The following CLSTN2 variants were observed in gnomAD, a reference collection of about 807,000 sequenced individuals.
CLSTN2 encodes the protein calsyntenin 2, also known as calsyntenin-2.
Under a neutral mutation model 101.2 loss-of-function variants are expected in CLSTN2, and 48 were observed. The observed-to-expected ratio is 0.47, with a 90% CI of 0.38 to 0.60. The LOEUF (loss-of-function observed/expected upper bound fraction) is 0.60, where lower values mean the gene tolerates loss of function less well. Among genes scored for constraint, CLSTN2 ranks in the 20% least tolerant of loss-of-function variants. The pLI is 0.00. For synonymous variants in CLSTN2, 481 were observed against 463.6 expected (o/e 1.04, Z -0.48); for missense variants, 1,160 against 1,238.2 (o/e 0.94, Z 0.95).
At chr3:140,127,303 G>A (rs1398262986) in intron 1 of CLSTN2, among the ~76,000 whole-genome samples, 1 of 152,128 alleles carries the variant, frequency 6.6e-6, no homozygotes, top group East Asian at 1.9e-4. Context: ...CTGTTAGATA[G>A]CAATAATAAC....
At chr3:140,277,925 G>T (rs571912037) in intron 2 of CLSTN2, among the ~76,000 whole-genome samples, 129 of 152,344 alleles carry the variant, frequency 8.5e-4, no homozygotes, top group African/African-American at 3.0e-3. Context: ...TGTGACAGCA[G>T]TGCTTTCAGA....
At chr3:140,442,925 G>C (rs995631867) in intron 5 of CLSTN2, among the ~76,000 whole-genome samples, 2 of 151,810 alleles carry the variant, frequency 1.3e-5, no homozygotes, top group African/African-American at 4.8e-5. Flanking sequence ...CTGAGCAAAG[G>C]TACCCTCCTA....
At chr3:140,193,177 A>G (rs2010595987) in intron 2 of CLSTN2, among the ~76,000 whole-genome samples, 1 of 151,414 alleles carries the variant, frequency 6.6e-6, no homozygotes, top group Non-Finnish European at 1.5e-5. Context: ...TCAAGAGGAG[A>G]AGGAAGGGCT....
intron 5 of CLSTN2, among the ~76,000 whole-genome samples, chr3:140,435,847 T>C (rs2088680985): frequency 6.6e-6 from 1 of 152,250 alleles, no homozygotes; most frequent in East Asian, 1.9e-4. Context: ...TTCATATGCC[T>C]GTTTCCCATT....
chr3:140,127,919 A>T (rs965088807), intron 1 of CLSTN2, among the ~76,000 whole-genome samples: 2 of 152,178 alleles, frequency 1.3e-5, no homozygotes, highest in African/African-American at 4.8e-5. Context: ...ACTGACTTGT[A>T]AATCTAAGTG....
intron 2 of CLSTN2, among the ~76,000 whole-genome samples, chr3:140,361,562 G>A (rs1055053974): frequency 5.9e-5 from 9 of 152,116 alleles, no homozygotes; most frequent in South Asian, 2.1e-4. Context: ...CATAGAGAAC[G>A]TGAACCTGGA....
At chr3:140,018,630 A>G (rs942152457) in intron 1 of CLSTN2, among the ~76,000 whole-genome samples, 1 of 152,170 alleles carries the variant, frequency 6.6e-6, no homozygotes, top group African/African-American at 2.4e-5. Flanking sequence ...GCTCAGTTTC[A>G]AGGCTGAGCT....
At chr3:139,989,766 C>T (rs1936087140) in intron 1 of CLSTN2, among the ~76,000 whole-genome samples, 1 of 152,192 alleles carries the variant, frequency 6.6e-6, no homozygotes, top group Non-Finnish European at 1.5e-5. Context: ...CCTTTAAATT[C>T]CACCAAGAGG....
At chr3:140,501,061 A>C (rs541910620) in intron 8 of CLSTN2, among the ~76,000 whole-genome samples, 1 of 152,244 alleles carries the variant, frequency 6.6e-6, no homozygotes, top group South Asian at 2.1e-4. Flanking sequence ...AATGGAGCGA[A>C]TCTTGCTGTT....
chr3:140,553,211 G>A (rs1482801682), intron 10 of CLSTN2, among the ~76,000 whole-genome samples: 4 of 152,232 alleles, frequency 2.6e-5, no homozygotes, highest in Non-Finnish European at 4.4e-5. Flanking sequence ...TGTGTCACAA[G>A]GGTACAAGAG....
At chr3:140,375,661 A>AT (rs1442291588) in intron 2 of CLSTN2, among the ~76,000 whole-genome samples, 1 of 152,046 alleles carries the variant, frequency 6.6e-6, no homozygotes, top group Non-Finnish European at 1.5e-5. Flanking sequence ...CATGGCTTAT[A>AT]TTTTATCTGG....
At chr3:140,365,219 C>T (rs2087772758) in intron 2 of CLSTN2, among the ~76,000 whole-genome samples, 1 of 152,132 alleles carries the variant, frequency 6.6e-6, no homozygotes, top group Non-Finnish European at 1.5e-5. Context: ...CTAACAAACT[C>T]ATGTACAAAT....
At chr3:140,028,849 G>C (rs532035429) in intron 1 of CLSTN2, among the ~76,000 whole-genome samples, 2 of 152,158 alleles carry the variant, frequency 1.3e-5, no homozygotes, top group Non-Finnish European at 2.9e-5. Context: ...AGCCAGATTG[G>C]TGTGTGACCG....
intron 2 of CLSTN2, among the ~76,000 whole-genome samples, chr3:140,277,809 A>C (rs369136589): frequency 6.6e-6 from 1 of 152,324 alleles, no homozygotes; most frequent in Admixed American, 6.5e-5. Flanking sequence ...CCTCAAAGAC[A>C]CTACAATTAA....
intron 2 of CLSTN2, among the ~76,000 whole-genome samples, chr3:140,395,324 A>G (rs915628971): frequency 1.3e-5 from 2 of 152,230 alleles, no homozygotes; most frequent in African/African-American, 2.4e-5. Flanking sequence ...GCCAGAAGGC[A>G]GGATTTATTA....
At chr3:140,422,189 T>TTC (rs3035957) in intron 5 of CLSTN2, among the ~76,000 whole-genome samples, 210 of 148,608 alleles carry the variant, frequency 1.4e-3, no homozygotes, top group Middle Eastern at 6.9e-3. Flanking sequence ...CTCTCTTTCT[T>TTC]TCTCTCTCTC....
chr3:140,392,651 A>G (rs2088128843), intron 2 of CLSTN2, among the ~76,000 whole-genome samples: 1 of 152,194 alleles, frequency 6.6e-6, no homozygotes, highest in Non-Finnish European at 1.5e-5. Context: ...CAGACATAGA[A>G]TATTAAAAAA....
intron 2 of CLSTN2, among the ~76,000 whole-genome samples, chr3:140,194,221 G>A (rs1323585098): frequency 6.6e-6 from 1 of 152,118 alleles, no homozygotes; most frequent in East Asian, 1.9e-4. Context: ...AGATCAAGGT[G>A]CTGTCAGTGC....
In CLSTN2 at chr3:140,201,767, A is replaced by G. The variant is rs530846294; in HGVS notation, c.232+25694A>G. ...GGTAGAAGTGGAACACGGACAATAA[A>G]TAACAGACATAGCAAATTATATGCA... On this transcript the variant is annotated intron_variant, in intron 2 of 16. Coordinates refer to ENST00000458420, the MANE Select transcript of CLSTN2 (RefSeq NM_022131.3). 2.6e-5 allele frequency among the ~76,000 whole-genome samples: 4 copies of G among 152,188 alleles called. No individual in the cohort carries two copies. The East Asian group carries it at 7.7e-4, about 29-fold the overall frequency.
Sources: gnomAD v4.1 joint callset for allele counts (sites outside exome capture counted in the v4.1 genomes callset) on GRCh38, gnomAD v4.1.1 for gene constraint, MANE v1.5 for transcripts, NCBI Gene and HGNC (gene_info 2026-07-23, HGNC 2026-07-21) for gene names.